The following AGPS variants were observed in gnomAD, a reference collection of about 807,000 sequenced individuals.
AGPS encodes the protein alkyldihydroxyacetonephosphate synthase, peroxisomal.
In AGPS, 26 loss-of-function variants were observed where a neutral mutation model predicts 90.7. The ratio of observed to expected loss-of-function variants is 0.29; its 90% CI spans 0.21 to 0.40. The LOEUF is 0.40. AGPS is among the 10% of genes least tolerant of loss of function. The pLI is 1.00. For missense variants in AGPS, 540 were observed against 816.1 expected (o/e 0.66, Z 4.12); for synonymous variants, 294 against 285.3 (o/e 1.03, Z -0.31).
rs1687216000 is a variant in AGPS at position 177,459,306 on chromosome 2, C to T, written c.871-2587C>T. Among the ~76,000 whole-genome samples the T allele has an allele frequency of 1.3e-5, 2 of 152,092 alleles. 1 individual carries two copies. Among genetic ancestry groups the T allele is most frequent in the African/African-American group, 4.8e-5 (2 of 41,404 alleles). On this transcript the variant is annotated intron_variant, in intron 8 of 19. Transcript: ENST00000264167. ...ACACCAAAAGCAATGGCAACAAAAGCCAAAATTGACAAATGGGATTTAATT... is the reference window on the plus strand; with the variant it reads ...ACACCAAAAGCAATGGCAACAAAAGTCAAAATTGACAAATGGGATTTAATT...
intron 12 of AGPS, 21 bp from the exon 13 acceptor site, chr2:177,497,668 T>C (rs1424515701): frequency 2.1e-6 from 3 of 1,434,232 alleles, no homozygotes; most frequent in East Asian, 2.3e-5. Context: ...CCTATTAATA[T>C]AAACTTTTTT....
chr2:177,395,421 A>G (rs2105579716), intron 1 of AGPS, among the ~76,000 whole-genome samples: 1 of 152,334 alleles, frequency 6.6e-6, no homozygotes, highest in South Asian at 2.1e-4. Flanking sequence ...TCGGGGTTAG[A>G]CGACTAGTGG....
At chr2:177,483,375 CTT>C (rs779193865) in intron 11 of AGPS, among the ~76,000 whole-genome samples, 13 of 152,300 alleles carry the variant, frequency 8.5e-5, no homozygotes, top group South Asian at 2.1e-4. Flanking sequence ...CAGCTTCCCA[CTT>C]TCATGAAGTA....
chr2:177,478,466 A>C (rs1229173345), intron 10 of AGPS, among the ~76,000 whole-genome samples: 1 of 152,072 alleles, frequency 6.6e-6, no homozygotes, highest in Non-Finnish European at 1.5e-5. Context: ...TTTTTCTTCC[A>C]GTACTCCCAT....
intron 12 of AGPS, among the ~76,000 whole-genome samples, chr2:177,493,542 C>T (rs1291156199): frequency 1.3e-5 from 2 of 152,316 alleles, no homozygotes; most frequent in African/African-American, 4.8e-5. Flanking sequence ...TTCTTCTTCT[C>T]AACCAGACTT....
chr2:177,507,960 G>A lies in AGPS; in HGVS notation c.1546-10G>A. On this transcript the variant is annotated splice_polypyrimidine_tract_variant and intron_variant, in intron 15 of 19. Coordinates refer to ENST00000264167, the MANE Select transcript of AGPS (RefSeq NM_003659.4). ...GTAGTTTCTTGATTTTTCTGTTTGT[G>A]TCTTAATAGGACTTGGCTTTGGAAT... 6.2e-7 allele frequency: 1 copy of A among 1,605,378 alleles called. No homozygotes were observed. The highest frequency in any genetic ancestry group is 8.5e-7 in the Non-Finnish European group (1 of 1,172,116).
At chr2:177,430,037 A>G (rs985735329) in intron 2 of AGPS, among the ~76,000 whole-genome samples, 2 of 152,092 alleles carry the variant, frequency 1.3e-5, no homozygotes, top group African/African-American at 4.8e-5. Context: ...GGAGCAATGG[A>G]TTGGGGTCCC....
At chr2:177,396,139 T>C (rs1685166382) in intron 1 of AGPS, among the ~76,000 whole-genome samples, 1 of 152,056 alleles carries the variant, frequency 6.6e-6, no homozygotes, top group African/African-American at 2.4e-5. Flanking sequence ...AAAATGTGGA[T>C]GGTATTTTGA....
intron 5 of AGPS, among the ~76,000 whole-genome samples, chr2:177,438,256 A>G (rs1293281870): frequency 6.6e-6 from 1 of 152,166 alleles, no homozygotes; most frequent in Non-Finnish European, 1.5e-5. Flanking sequence ...ATGTCTTTCA[A>G]TATTAAAATA....
chr2:177,540,624 A>T lies in AGPS; in HGVS notation c.*2429A>T, dbSNP rs1291701753. On this transcript the variant is annotated 3_prime_UTR_variant, in exon 20 of 20. Transcript: ENST00000264167. ...AAAATGGCTTCATAAAAGTTAAGTC[A>T]GGAGAACACTGTTTACATGACACTT... is the stretch of plus-strand genomic sequence containing the variant. The T allele has an allele frequency of 2.0e-5, 3 of 152,096 alleles. No individual in the cohort carries two copies. 9.4% of individuals were successfully genotyped at this position (152,096 alleles called of 1,614,324 possible).
intron 19 of AGPS, among the ~76,000 whole-genome samples, chr2:177,530,566 C>G (rs937150020): frequency 1.3e-4 from 20 of 152,210 alleles, no homozygotes; most frequent in African/African-American, 4.6e-4. Flanking sequence ...TGTCATGACA[C>G]TCTCAGTACC....
chr2:177,508,741 A>G (rs1238005189), intron 16 of AGPS, among the ~76,000 whole-genome samples: 1 of 152,304 alleles, frequency 6.6e-6, no homozygotes, highest in Non-Finnish European at 1.5e-5. Flanking sequence ...GAGATTGTCT[A>G]TACAATCCCT....
intron 12 of AGPS, among the ~76,000 whole-genome samples, chr2:177,496,217 G>C (rs1574010243): frequency 6.6e-6 from 1 of 152,062 alleles, no homozygotes; most frequent in East Asian, 1.9e-4. Context: ...TATCAGAGTA[G>C]TATCATATGG....
Position 177,436,139 on chromosome 2 carries a change from A to ATT in AGPS, c.442-607_442-606dup, listed in dbSNP as rs1172040227. Reference sequence around the variant, plus strand: ...GCAATTGAAGAATAAGAAATGCTGAATTTTTTTTTTTTTTTTTTTGCGACA... The same window carrying ATT: ...GCAATTGAAGAATAAGAAATGCTGAATTTTTTTTTTTTTTTTTTTTTGCGACA... On this transcript the variant is annotated intron_variant, in intron 3 of 19. Coordinates refer to ENST00000264167, the MANE Select transcript of AGPS (RefSeq NM_003659.4). 9.9e-4 allele frequency among the ~76,000 whole-genome samples: 81 copies of ATT among 82,120 alleles called. 6 individuals carry two copies. The highest frequency in any genetic ancestry group is 1.0e-3 in the Non-Finnish European group (47 of 45,722). 53.9% of individuals were successfully genotyped at this position (82,120 alleles called of 152,430 possible).
chr2:177,523,071 A>G (rs1689247199), intron 18 of AGPS, among the ~76,000 whole-genome samples: 1 of 152,096 alleles, frequency 6.6e-6, no homozygotes. Context: ...GGGTAAAACG[A>G]GGTTTTTCTT....
At position 177,420,332 on chromosome 2, in the gene AGPS, G is replaced by A. The variant is rs772533533; in HGVS notation, c.324G>A (p.Lys108=). The change falls in exon 2 of 20, where the codon AAG becomes AAA. Residue 108 remains lysine (K), a synonymous_variant. Coordinates refer to ENST00000264167, the MANE Select transcript of AGPS (RefSeq NM_003659.4). ...ATTCTAAATTCATCTTCAATAAGAA[G>A]GGCCAAATTGAATTGACTGGGAAAA... ...YNDSKFIFNK[K]GQIELTGKRY... 1.1e-5 allele frequency: 18 copies of A among 1,609,352 alleles called. No individual in the cohort carries two copies. The highest frequency in any genetic ancestry group is 1.4e-5 in the Non-Finnish European group (17 of 1,176,414).
intron 9 of AGPS, among the ~76,000 whole-genome samples, chr2:177,462,400 AAAAAAG>A (rs1267370708): frequency 3.6e-4 from 54 of 150,636 alleles, no homozygotes; most frequent in South Asian, 8.4e-4. Flanking sequence ...CTCAAAAAAA[AAAAAAG>A]AAAAAAGAAA....
chr2:177,458,099 T>C (rs1276028337), intron 8 of AGPS, among the ~76,000 whole-genome samples: 1 of 152,124 alleles, frequency 6.6e-6, no homozygotes, highest in Non-Finnish European at 1.5e-5. Flanking sequence ...CACATGATAA[T>C]CTCAATAGAT....
chr2:177,396,287 G>A (rs1243460431), intron 1 of AGPS, among the ~76,000 whole-genome samples: 1 of 152,162 alleles, frequency 6.6e-6, no homozygotes, highest in African/African-American at 2.4e-5. Context: ...GGCAGGTCAT[G>A]GAGGTCTTTG....
Sources: allele counts gnomAD v4.1 joint callset (sites outside exome capture counted in the v4.1 genomes callset), GRCh38; gene constraint gnomAD v4.1.1; transcripts MANE v1.5; gene names NCBI Gene and HGNC (gene_info 2026-07-23, HGNC 2026-07-21).